Variants in PC observed in about 807,000 individuals in gnomAD.
PC encodes the protein pyruvate carboxylase, mitochondrial.
Under a neutral mutation model 107.8 loss-of-function variants are expected in PC, and 46 were observed. The observed-to-expected ratio is 0.43, with a 90% CI of 0.34 to 0.55. PC has a LOEUF of 0.55. Among genes scored for constraint, PC ranks in the 20% least tolerant of loss-of-function variants. PC has a pLI of 0.04. For synonymous variants in PC, 662 were observed against 684.7 expected, an observed-to-expected ratio of 0.97 and a Z score of 0.52; for missense variants, 1,241 against 1,643.1, an observed-to-expected ratio of 0.76 and a Z score of 4.23.
chr11:66,870,288 A>G lies in PC; in HGVS notation c.903+14T>C. The G allele has an allele frequency of 2.5e-6, 4 of 1,612,466 alleles. No individual in the cohort carries two copies. The highest frequency in any genetic ancestry group is 3.4e-6 in the Non-Finnish European group (4 of 1,179,940). Reference sequence around the variant, plus strand: ...CACAGGCTCCTGTCCCAACACGGGAAGCCCACCCTTCACCTGTTTAGCGAG... The same window carrying G: ...CACAGGCTCCTGTCCCAACACGGGAGGCCCACCCTTCACCTGTTTAGCGAG... On this transcript the variant is annotated intron_variant, in intron 9 of 22. Transcript: ENST00000393960. The surrounding 1 kb of genome is among the most constrained non-coding windows in gnomAD (Gnocchi z 6.1).
At chr11:66,941,846 T>G (rs1949139044) in intron 3 of PC, among the ~76,000 whole-genome samples, 1 of 151,980 alleles carries the variant, frequency 6.6e-6, no homozygotes, top group South Asian at 2.1e-4. Flanking sequence ...CTCACGCCTG[T>G]AATCACAACA....
chr11:66,901,398 T>A (rs968933455), intron 3 of PC, among the ~76,000 whole-genome samples: 4 of 152,226 alleles, frequency 2.6e-5, no homozygotes, highest in African/African-American at 9.6e-5. Context: ...CTGTGTCTTG[T>A]CGCTATGACA....
At chr11:66,865,921 C>T (rs567160191) in intron 11 of PC, among the ~76,000 whole-genome samples, 2 of 152,272 alleles carry the variant, frequency 1.3e-5, no homozygotes, top group South Asian at 2.1e-4. Context: ...TGGGTCCCTG[C>T]GTTTTGCTCC....
chr11:66,857,795 C>T lies in PC; in HGVS notation c.1369-4412G>A. The T allele has an allele frequency of 1.1e-5, 17 of 1,598,624 alleles. No individual in the cohort carries two copies. Among genetic ancestry groups the T allele is most frequent in the South Asian group, 3.3e-5 (3 of 91,002 alleles). ...TGCTGGCCAGTGGAGCGGCCGCCTG[C>T]CCGCTGCCCTGCGTCTGCCAGAACC... is the stretch of plus-strand genomic sequence containing the variant. On this transcript the variant is annotated intron_variant, in intron 12 of 22. Transcript: ENST00000393960. The surrounding 1 kb of genome is among the most constrained non-coding windows in gnomAD (Gnocchi z 7.1).
chr11:66,877,017 G>A (rs1216201956), intron 3 of PC, among the ~76,000 whole-genome samples: 1 of 152,178 alleles, frequency 6.6e-6, no homozygotes, highest in Admixed American at 6.5e-5. Flanking sequence ...TTCAGGAGGC[G>A]GCCCGCAGGC....
At chr11:66,877,997 C>T (rs937859600) in intron 3 of PC, among the ~76,000 whole-genome samples, 2 of 151,914 alleles carry the variant, frequency 1.3e-5, no homozygotes, top group Non-Finnish European at 2.9e-5. Context: ...ATTGGGGATG[C>T]GTTATTTATA....
In PC at chr11:66,851,903, G is replaced by A. The variant is rs1209606131; in HGVS notation, c.1869C>T (p.Pro623=). ...CCCGGAGCTCCTGCAGCCGCCGCCA[G>A]GGGCACTCATACAGGAAGCGCATGG... is the stretch of plus-strand genomic sequence containing the variant. ...DVAMRFLYEC[P]WRRLQELREL... Residue 623 remains proline (P), a synonymous_variant, in exon 16 of 23, where the codon CCC becomes CCT. Transcript: ENST00000393960. 1 of 1,613,970 alleles carries A rather than the reference G, an allele frequency of 6.2e-7. No individual in the cohort carries two copies. The highest frequency in any genetic ancestry group is 8.5e-7 in the Non-Finnish European group (1 of 1,180,022).
intron 3 of PC, among the ~76,000 whole-genome samples, chr11:66,937,865 C>T (rs1351599995): frequency 6.6e-6 from 1 of 151,732 alleles, no homozygotes; most frequent in African/African-American, 2.4e-5. Flanking sequence ...CAATCTCCAC[C>T]TCCCAGGTTC....
rs1413422491 is a variant in PC at position 66,857,136 on chromosome 11, C to A, written c.1369-3753G>T. The A allele has an allele frequency of 6.8e-6, 1 of 148,020 alleles. No individual in the cohort carries two copies. The highest frequency in any genetic ancestry group is 2.4e-5 in the African/African-American group (1 of 40,928). The allele number at this position is 148,020 out of a possible 1,614,324, so 9.2% of individuals were successfully genotyped here. ...CCGGGAAAAGGTGCCGGGAACCGAG[C>A]GAGCCGGGGCCGCGGGCCCGAGCGC... On this transcript the variant is annotated intron_variant, in intron 12 of 22. Coordinates refer to ENST00000393960, the MANE Select transcript of PC (RefSeq NM_001040716.2). The surrounding 1 kb of genome is among the most constrained non-coding windows in gnomAD (Gnocchi z 7.1).
rs1438068021 is a variant in PC, at chr11:66,850,813, T to C, written c.2334A>G (p.Ala778=). ...CACAGGCCAGCATGGCTGCCACGCC[T>C]GCCCCTGACGTGTCGTGGGTGTGGA... is the stretch of plus-strand genomic sequence containing the variant. ...LHIHTHDTSG[A]GVAAMLACAQ... Residue 778 remains alanine, a synonymous_variant, in exon 18 of 23, where the codon GCA becomes GCG. Transcript: ENST00000393960. The C allele has an allele frequency of 2.5e-6, 4 of 1,612,126 alleles. No individual in the cohort carries two copies. Among genetic ancestry groups the C allele is most frequent in the Non-Finnish European group, 2.5e-6 (3 of 1,180,004 alleles).
At chr11:66,863,726 C>T (rs773490072) in intron 12 of PC, 48 bp downstream of exon 12, 3 of 1,569,068 alleles carry the variant, frequency 1.9e-6, no homozygotes, top group Non-Finnish European at 2.6e-6. Context: ...GGTCAGGGGG[C>T]CCTCCAAGGG....
intron 3 of PC, among the ~76,000 whole-genome samples, chr11:66,908,931 A>C (rs530956925): frequency 6.6e-6 from 1 of 152,256 alleles, no homozygotes; most frequent in East Asian, 1.9e-4. Flanking sequence ...TCTTTTCCCA[A>C]GATGACAATA....
In PC at chr11:66,921,349, G is replaced by A. The variant is rs376579531; in HGVS notation, c.-1+31081C>T. ...GAAATAAAAGGAAAAAGAGAACAGA[G>A]GCCAAGGATAATTTTGTAAAACAGA... On this transcript the variant is annotated intron_variant, in intron 3 of 22. Coordinates refer to ENST00000393960, the MANE Select transcript of PC (RefSeq NM_001040716.2). 2.6e-4 allele frequency among the ~76,000 whole-genome samples: 39 copies of A among 152,296 alleles called. No homozygotes were observed. In the East Asian group the frequency reaches 4.6e-3, roughly 18 times the overall value.
At chr11:66,887,118 G>A (rs898000266) in intron 3 of PC, among the ~76,000 whole-genome samples, 2 of 152,156 alleles carry the variant, frequency 1.3e-5, no homozygotes, top group Admixed American at 6.5e-5. Context: ...GGAAGCTTCC[G>A]TTCCAGGAAC....
intron 3 of PC, among the ~76,000 whole-genome samples, chr11:66,924,838 G>A (rs964945443): frequency 2.6e-5 from 4 of 152,136 alleles, no homozygotes; most frequent in African/African-American, 7.2e-5. Flanking sequence ...GGGAGGTATC[G>A]GGGGAAACAG....
At chr11:66,859,517 A>G (rs1166837087) in intron 12 of PC, 4 of 1,530,934 alleles carry the variant, frequency 2.6e-6, no homozygotes, top group South Asian at 1.3e-5. Flanking sequence ...TCCTGAGTGA[A>G]CCCAAGAGCC....
At chr11:66,933,578 C>T (rs1345259755) in intron 3 of PC, among the ~76,000 whole-genome samples, 1 of 152,078 alleles carries the variant, frequency 6.6e-6, no homozygotes, top group Admixed American at 6.6e-5. Flanking sequence ...TTTTTCCATC[C>T]TGCATTTCAA....
At chr11:66,859,624 C>T (rs780804776) in intron 12 of PC, 1 of 1,612,682 alleles carries the variant, frequency 6.2e-7, no homozygotes, top group Non-Finnish European at 8.5e-7. Flanking sequence ...TGACCACCTG[C>T]CCTTGCCTGC....
At chr11:66,915,396 G>T (rs2136079743) in intron 3 of PC, among the ~76,000 whole-genome samples, 1 of 152,328 alleles carries the variant, frequency 6.6e-6, no homozygotes, top group South Asian at 2.1e-4. Context: ...AATTGAACAG[G>T]GAATGGCCTT....
Sources: allele counts gnomAD v4.1 joint callset (sites outside exome capture counted in the v4.1 genomes callset), GRCh38; gene constraint gnomAD v4.1.1; non-coding constraint Gnocchi (gnomAD v3.1); transcripts MANE v1.5; gene names NCBI Gene and HGNC (gene_info 2026-07-23, HGNC 2026-07-21).